The following DSCAM variants were observed in gnomAD, a reference collection of about 807,000 sequenced individuals.
The protein encoded by DSCAM is DS cell adhesion molecule.
A neutral mutation model predicts 217.7 loss-of-function variants in DSCAM; 47 were observed. The ratio of observed to expected loss-of-function variants is 0.22; its 90% CI spans 0.17 to 0.28. The LOEUF is 0.28. Among genes scored for constraint, DSCAM ranks in the 10% least tolerant of loss-of-function variants. The probability of loss-of-function intolerance (pLI) is 1.00; values close to 1 mark genes in which losing one functional copy is unlikely to be tolerated. For synonymous variants in DSCAM, 1,056 were observed against 1,015.3 expected (o/e 1.04, Z -0.76); for missense variants, 2,080 against 2,618.3 (o/e 0.79, Z 4.49).
chr21:40,098,657 A>G (rs1036887375), intron 20 of DSCAM, among the ~76,000 whole-genome samples: 1 of 152,248 alleles, frequency 6.6e-6, no homozygotes, highest in Non-Finnish European at 1.5e-5. Context: ...GCAATTAAAC[A>G]GGGGATTTAA....
intron 4 of DSCAM, among the ~76,000 whole-genome samples, chr21:40,360,388 C>A (rs1236483095): frequency 1.3e-5 from 2 of 151,924 alleles, no homozygotes; most frequent in Admixed American, 6.6e-5. Context: ...CCCATCTAGG[C>A]CTCCCAAAGT....
intron 3 of DSCAM, among the ~76,000 whole-genome samples, chr21:40,475,307 T>A (rs931075219): frequency 2.0e-5 from 3 of 152,200 alleles, no homozygotes; most frequent in Non-Finnish European, 4.4e-5. Context: ...GGATGGCCCA[T>A]CTTCCAGGGC....
At chr21:40,357,634 T>A (rs28473252) in intron 4 of DSCAM, among the ~76,000 whole-genome samples, 2,231 of 152,238 alleles carry the variant, frequency 0.015, 26 homozygotes, top group Non-Finnish European at 0.024. Context: ...TCTATTATTC[T>A]GAACTCTGTC....
chr21:40,427,191 A>G (rs1192394147), intron 3 of DSCAM, among the ~76,000 whole-genome samples: 1 of 152,206 alleles, frequency 6.6e-6, no homozygotes, highest in African/African-American at 2.4e-5. Context: ...TGTCTGTCCC[A>G]GCTGACCAGA....
chr21:40,818,591 G>GTCACAT (rs2091903188), intron 1 of DSCAM, among the ~76,000 whole-genome samples: 1 of 102,178 alleles, frequency 9.8e-6, no homozygotes, highest in Admixed American at 1.1e-4. Context: ...AAAAGACAAA[G>GTCACAT]TCACATAAGA....
intron 5 of DSCAM, among the ~76,000 whole-genome samples, chr21:40,351,065 A>G (rs931314340): frequency 2.6e-5 from 4 of 151,678 alleles, no homozygotes; most frequent in African/African-American, 9.7e-5. Context: ...CATACTTTTA[A>G]TGGAATCACT....
At chr21:40,685,386 T>C (rs1308217757) in intron 3 of DSCAM, among the ~76,000 whole-genome samples, 4 of 152,152 alleles carry the variant, frequency 2.6e-5, no homozygotes, top group Non-Finnish European at 5.9e-5. Context: ...ATACAGTTCA[T>C]GATGAGCACC....
At chr21:40,716,988 C>T (rs1216117948) in intron 1 of DSCAM, among the ~76,000 whole-genome samples, 2 of 152,048 alleles carry the variant, frequency 1.3e-5, no homozygotes, top group East Asian at 3.9e-4. Context: ...AACAACTTTC[C>T]AGAGGAGGAA....
Position 40,729,530 on chromosome 21 carries a change from C to G in DSCAM, c.44-20759G>C, listed in dbSNP as rs188710672. 5.1e-3 allele frequency among the ~76,000 whole-genome samples: 780 copies of G among 152,276 alleles called. 4 individuals carry two copies. Among genetic ancestry groups the G allele is most frequent in the Non-Finnish European group, 7.4e-3 (500 of 68,020 alleles). ...TCATCTAAAGCCTTATAAACTGAATCGTGTTCCTTTGTAATCACTTAACAT... is the reference window on the plus strand; with the variant it reads ...TCATCTAAAGCCTTATAAACTGAATGGTGTTCCTTTGTAATCACTTAACAT... On this transcript the variant is annotated intron_variant, in intron 1 of 32. Coordinates refer to ENST00000400454, the MANE Select transcript of DSCAM (RefSeq NM_001389.5).
At chr21:40,210,414 T>A (rs2091170406) in intron 11 of DSCAM, among the ~76,000 whole-genome samples, 1 of 152,216 alleles carries the variant, frequency 6.6e-6, no homozygotes, top group Non-Finnish European at 1.5e-5. Flanking sequence ...AATAGTAGAG[T>A]CCTGTGTGTC....
At chr21:40,398,093 C>T (rs1192219058) in intron 3 of DSCAM, among the ~76,000 whole-genome samples, 2 of 152,184 alleles carry the variant, frequency 1.3e-5, no homozygotes, top group Non-Finnish European at 2.9e-5. Flanking sequence ...TGTTTGGATT[C>T]TGCTGGCTAT....
intron 3 of DSCAM, among the ~76,000 whole-genome samples, chr21:40,603,812 T>A (rs1018798190): frequency 1.3e-5 from 2 of 152,116 alleles, no homozygotes; most frequent in Non-Finnish European, 2.9e-5. Flanking sequence ...ATTCTTAGCT[T>A]TGTCTCTCTA....
chr21:40,406,750 A>T (rs1392724393), intron 3 of DSCAM, among the ~76,000 whole-genome samples: 1 of 152,020 alleles, frequency 6.6e-6, no homozygotes, highest in African/African-American at 2.4e-5. Flanking sequence ...GCCACCATAC[A>T]TGCTAATTTT....
intron 3 of DSCAM, among the ~76,000 whole-genome samples, chr21:40,636,760 CTT>C (rs3070821): frequency 0.17 from 22,796 of 133,420 alleles, 1,920 homozygotes; most frequent in Admixed American, 0.25. Flanking sequence ...GGTCTCATGA[CTT>C]TTTTTTTTTT....
chr21:40,633,766 C>G (rs2089721995), intron 3 of DSCAM, among the ~76,000 whole-genome samples: 1 of 152,132 alleles, frequency 6.6e-6, no homozygotes, highest in Admixed American at 6.5e-5. Flanking sequence ...ACGCAAATGC[C>G]TGGAGTGAAT....
chr21:40,356,943 T>C (rs1049472112), intron 4 of DSCAM, among the ~76,000 whole-genome samples: 3 of 152,222 alleles, frequency 2.0e-5, no homozygotes, highest in Non-Finnish European at 4.4e-5. Flanking sequence ...TCTTTTGTGA[T>C]CATCAGAGAT....
intron 10 of DSCAM, among the ~76,000 whole-genome samples, chr21:40,286,906 A>G (rs1448130337): frequency 6.7e-6 from 1 of 150,344 alleles, no homozygotes; most frequent in African/African-American, 2.5e-5. Context: ...GTGGATCTGA[A>G]GCATGATCTG....
intron 3 of DSCAM, among the ~76,000 whole-genome samples, chr21:40,538,954 C>T (rs2076521599): frequency 6.6e-6 from 1 of 152,092 alleles, no homozygotes; most frequent in Non-Finnish European, 1.5e-5. Flanking sequence ...AAAATCAACT[C>T]GTAAAATGAA....
At chr21:40,638,052 T>C (rs541026803) in intron 3 of DSCAM, among the ~76,000 whole-genome samples, 68 of 152,252 alleles carry the variant, frequency 4.5e-4, no homozygotes, top group Non-Finnish European at 6.2e-4. Flanking sequence ...TAGGCAAAAG[T>C]AGCTATAGTT....
Sources: allele counts gnomAD v4.1 joint callset (sites outside exome capture counted in the v4.1 genomes callset), GRCh38; gene constraint gnomAD v4.1.1; transcripts MANE v1.5; gene names NCBI Gene and HGNC (gene_info 2026-07-23, HGNC 2026-07-21).